MAGI3: variants seen among roughly 807,000 people sequenced by gnomAD.
MAGI3 encodes membrane associated guanylate kinase, WW and PDZ domain containing 3, also known as membrane-associated guanylate kinase, WW and PDZ domain-containing protein 3.
Under a neutral mutation model 121.8 loss-of-function variants are expected in MAGI3, and 43 were observed. That is an observed-to-expected ratio of 0.35 (90% confidence interval 0.28 to 0.46). The LOEUF (loss-of-function observed/expected upper bound fraction) is 0.46. Among genes scored for constraint, MAGI3 ranks in the 20% least tolerant of loss-of-function variants. MAGI3 has a pLI of 1.00. For synonymous variants in MAGI3, 553 were observed against 639.3 expected (o/e 0.86, Z 2.04); for missense variants, 1,547 against 1,797.3 (o/e 0.86, Z 2.52).
chr1:113,578,997 T>C (rs1476240417), intron 2 of MAGI3, among the ~76,000 whole-genome samples: 1 of 152,186 alleles, frequency 6.6e-6, no homozygotes, highest in Non-Finnish European at 1.5e-5. Flanking sequence ...TAATAGAATG[T>C]AATGTGACTA....
At chr1:113,419,221 TATTA>T in intron 1 of MAGI3, among the ~76,000 whole-genome samples, 1 of 152,296 alleles carries the variant, frequency 6.6e-6, no homozygotes, top group South Asian at 2.1e-4. Flanking sequence ...ACATTAGCTT[TATTA>T]ATTAAGGAGT....
chr1:113,425,921 A>G (rs978282012), intron 1 of MAGI3, among the ~76,000 whole-genome samples: 1 of 151,852 alleles, frequency 6.6e-6, no homozygotes, highest in Admixed American at 6.5e-5. Context: ...TTTTGCTTTT[A>G]TCTTTATTTC....
chr1:113,556,573 T>G, intron 2 of MAGI3, among the ~76,000 whole-genome samples: 1 of 150,542 alleles, frequency 6.6e-6, no homozygotes, highest in East Asian at 1.9e-4. Flanking sequence ...TTTTTTTTTT[T>G]TGAGACAGAG....
intron 2 of MAGI3, among the ~76,000 whole-genome samples, chr1:113,573,180 C>T (rs1647417160): frequency 1.3e-5 from 2 of 152,216 alleles, no homozygotes; most frequent in African/African-American, 4.8e-5. Context: ...CTGCCTCAGC[C>T]TCCCAAAGTG....
intron 2 of MAGI3, among the ~76,000 whole-genome samples, chr1:113,552,975 G>A (rs1416868389): frequency 1.3e-5 from 2 of 152,120 alleles, no homozygotes; most frequent in Non-Finnish European, 2.9e-5. Flanking sequence ...AAAGTATATA[G>A]TGCTTAAAAC....
chr1:113,628,699 A>ATT (rs1651405334), intron 9 of MAGI3, among the ~76,000 whole-genome samples: 4 of 152,264 alleles, frequency 2.6e-5, no homozygotes, highest in South Asian at 4.1e-4. Flanking sequence ...ATTATAGAGT[A>ATT]AAAGGTTTTT....
chr1:113,405,540 C>G (rs960099835), intron 1 of MAGI3, among the ~76,000 whole-genome samples: 1 of 133,010 alleles, frequency 7.5e-6, no homozygotes, highest in African/African-American at 2.8e-5. Context: ...CTTATAAATA[C>G]ATTTTTAAAA....
intron 1 of MAGI3, among the ~76,000 whole-genome samples, chr1:113,405,502 A>AAAAAAAAAAT (rs1651630882): frequency 7.2e-6 from 1 of 139,670 alleles, no homozygotes; most frequent in Non-Finnish European, 1.6e-5. Flanking sequence ...AAAAAAAAAA[A>AAAAAAAAAAT]GACTGAAGGC....
intron 1 of MAGI3, among the ~76,000 whole-genome samples, chr1:113,547,118 A>G (rs2101664719): frequency 6.6e-6 from 1 of 151,218 alleles, no homozygotes; most frequent in East Asian, 2.0e-4. Flanking sequence ...GAGTTGTTTC[A>G]ATTATTTTGC....
At chr1:113,556,028 T>A (rs1383359990) in intron 2 of MAGI3, among the ~76,000 whole-genome samples, 1 of 152,134 alleles carries the variant, frequency 6.6e-6, no homozygotes, top group Non-Finnish European at 1.5e-5. Context: ...CAAATTGAAA[T>A]GTATCAAACA....
intron 1 of MAGI3, among the ~76,000 whole-genome samples, chr1:113,455,140 G>A (rs1023286143): frequency 2.0e-5 from 3 of 152,040 alleles, no homozygotes; most frequent in Admixed American, 6.6e-5. Context: ...AAATACAGTA[G>A]GATAAATTCG....
At chr1:113,682,160 A>ATT (rs11438160) in intron 20 of MAGI3, 313,302 of 1,382,092 alleles carry the variant, frequency 0.23, 9,035 homozygotes, top group African/African-American at 0.37. Flanking sequence ...AACTGCACTG[A>ATT]TTTTTTTTTT....
At chr1:113,539,976 C>T (rs1570824755) in intron 1 of MAGI3, among the ~76,000 whole-genome samples, 1 of 151,942 alleles carries the variant, frequency 6.6e-6, no homozygotes, top group East Asian at 1.9e-4. Context: ...TTTTAAAATA[C>T]AGACAGCATT....
At chr1:113,593,017 C>CAAA (rs755068661) in intron 5 of MAGI3, among the ~76,000 whole-genome samples, 2 of 151,922 alleles carry the variant, frequency 1.3e-5, no homozygotes, top group Non-Finnish European at 2.9e-5. Flanking sequence ...GTCTCAAAAA[C>CAAA]AAACAAACAA....
chr1:113,527,301 G>A (rs932721156), intron 1 of MAGI3, among the ~76,000 whole-genome samples: 2 of 152,088 alleles, frequency 1.3e-5, no homozygotes, highest in African/African-American at 4.8e-5. Flanking sequence ...AGTTTGAGAG[G>A]CTTTTCCAGT....
chr1:113,437,022 G>A (rs903886491), intron 1 of MAGI3, among the ~76,000 whole-genome samples: 5 of 151,866 alleles, frequency 3.3e-5, no homozygotes, highest in African/African-American at 1.2e-4. Context: ...CACCGTGTTA[G>A]CCAGGATGGT....
chr1:113,516,012 C>T (rs899354448), intron 1 of MAGI3, among the ~76,000 whole-genome samples: 2 of 152,036 alleles, frequency 1.3e-5, no homozygotes, highest in Non-Finnish European at 2.9e-5. Context: ...GCTACACTCA[C>T]TAGATGCGTA....
chr1:113,481,568 T>A (rs1025054352), intron 1 of MAGI3, among the ~76,000 whole-genome samples: 2 of 152,230 alleles, frequency 1.3e-5, no homozygotes, highest in African/African-American at 4.8e-5. Flanking sequence ...TGATTTTTAA[T>A]TCTTTAATTT....
intron 1 of MAGI3, among the ~76,000 whole-genome samples, chr1:113,494,991 A>T (rs1336204028): frequency 1.3e-5 from 2 of 152,204 alleles, no homozygotes; most frequent in Non-Finnish European, 2.9e-5. Flanking sequence ...AAACCAAAAC[A>T]TACATTTATG....
Sources: gnomAD v4.1 joint callset for allele counts (sites outside exome capture counted in the v4.1 genomes callset) on GRCh38, gnomAD v4.1.1 for gene constraint, MANE v1.5 for transcripts, NCBI Gene and HGNC (gene_info 2026-07-23, HGNC 2026-07-21) for gene names.